Variants in NLN observed in about 807,000 individuals in gnomAD.
NLN encodes the protein neurolysin.
NLN carries 64 observed loss-of-function variants against 79.9 expected under a neutral mutation model. The observed-to-expected ratio is 0.80, with a 90% confidence interval of 0.65 to 0.99. NLN has a LOEUF of 0.99. NLN is among the 50% of genes least tolerant of loss of function. The pLI is 0.00. For missense variants in NLN, 835 were observed against 858.7 expected (o/e 0.97, Z 0.34); for synonymous variants, 267 against 296.6 (o/e 0.90, Z 1.02).
intron 1 of NLN, among the ~76,000 whole-genome samples, chr5:65,750,825 T>G (rs899880187): frequency 6.6e-6 from 1 of 151,870 alleles, no homozygotes; most frequent in African/African-American, 2.4e-5. Context: ...CAGGTAAACC[T>G]CAGTGAGGTG....
In NLN at chr5:65,810,069, A is replaced by G. The variant is rs1168163233; in HGVS notation, c.1747A>G (p.Lys583Glu). The change falls in exon 11 of 13, where the codon AAA (lysine) becomes GAA (glutamate). Residue 583 changes from lysine to glutamate, a missense_variant. Coordinates refer to ENST00000380985, the MANE Select transcript of NLN (RefSeq NM_020726.5). ...GACCCTGCGCCAGATTGTTTTGAGC[A>G]AAGTTGATCAGTCTCTTCATACCAA... ...LLTLRQIVLS[K>E]VDQSLHTNTS... The G allele has an allele frequency of 6.2e-7, 1 of 1,614,124 alleles. No individual in the cohort carries two copies.
rs1275349577 is a variant in NLN, at chr5:65,788,390, G to A, written c.1231G>A (p.Ala411Thr). The A allele has an allele frequency of 1.2e-6, 2 of 1,614,000 alleles. No individual in the cohort carries two copies. The highest frequency in any genetic ancestry group is 3.3e-5 in the Admixed American group (2 of 60,004). ...ACTTTCATTTGAACAAATGACAGAT[G>A]CTCATGTTTGGAACAAGAGTGTTAC... Reference protein sequence around the residue: ...LGLSFEQMTDAHVWNKSVTLY... With the variant: ...LGLSFEQMTDTHVWNKSVTLY... Residue 411 changes from alanine (A) to threonine (T), a missense_variant, in exon 8 of 13, where the codon GCT (alanine) becomes ACT (threonine). Transcript: ENST00000380985.
chr5:65,785,682 C>T (rs1246584102), intron 6 of NLN, 93 bp from the exon 7 acceptor site: 1 of 910,168 alleles, frequency 1.1e-6, no homozygotes, highest in African/African-American at 1.7e-5. Context: ...GATAATTTTA[C>T]AAACCTAAAA....
chr5:65,788,320 G>A lies in NLN; in HGVS notation c.1161G>A (p.Glu387=). ...QEFLKEYFPI[E]VVTEGLLNTY... ...TCCTCAAGGAATACTTCCCAATTGAGGTGGTCACTGAAGGCTTGCTGAACA... is the reference window on the plus strand; with the variant it reads ...TCCTCAAGGAATACTTCCCAATTGAAGTGGTCACTGAAGGCTTGCTGAACA... The change falls in exon 8 of 13, where the codon GAG becomes GAA. Residue 387 remains glutamate, a synonymous_variant. Transcript: ENST00000380985. 6.2e-7 allele frequency: 1 copy of A among 1,614,148 alleles called. No individual in the cohort carries two copies. Among genetic ancestry groups the A allele is most frequent in the East Asian group, 2.2e-5 (1 of 44,888 alleles).
At chr5:65,731,168 C>T (rs990873513) in intron 1 of NLN, among the ~76,000 whole-genome samples, 1 of 152,196 alleles carries the variant, frequency 6.6e-6, no homozygotes, top group African/African-American at 2.4e-5. Context: ...GTCTCGTCCT[C>T]CAAGAAGCCA....
chr5:65,788,560 G>A (rs758873361), intron 8 of NLN, 76 bp downstream of exon 8: 19 of 1,425,230 alleles, frequency 1.3e-5, no homozygotes, highest in Non-Finnish European at 1.7e-5. Flanking sequence ...TCTTGGCCAG[G>A]CACAGTGGCT....
chr5:65,722,627 C>G lies in NLN; in HGVS notation c.41+213C>G, dbSNP rs1037703796. Reference sequence around the variant, plus strand: ...CGCCTCCGCTCCCTCGGGAGGACGTCCATTCCTCTTTGTTTGGGACTGCCT... The same window carrying G: ...CGCCTCCGCTCCCTCGGGAGGACGTGCATTCCTCTTTGTTTGGGACTGCCT... On this transcript the variant is annotated intron_variant, in intron 1 of 12. Coordinates refer to ENST00000380985, the MANE Select transcript of NLN (RefSeq NM_020726.5). 18 of 533,010 alleles carry G rather than the reference C, an allele frequency of 3.4e-5. No homozygotes were observed. In the Admixed American group the frequency reaches 6.8e-4, roughly 20 times the overall value. The allele number at this position is 533,010 out of a possible 1,614,324, so 33.0% of individuals were successfully genotyped here. A position where few individuals can be genotyped will look rare whatever the true frequency, so the allele number is the denominator to read the frequency against.
At chr5:65,792,319 A>G (rs1257399553) in intron 8 of NLN, 135 bp from the exon 9 acceptor site, 8 of 604,194 alleles carry the variant, frequency 1.3e-5, no homozygotes, top group Non-Finnish European at 2.3e-5. Flanking sequence ...AAAATAACCT[A>G]CTTTCTAAAA....
At position 65,790,357 on chromosome 5, in the gene NLN, G is replaced by A. The variant is rs149809939; in HGVS notation, c.1325+1873G>A. 2.2e-4 allele frequency among the ~76,000 whole-genome samples: 34 copies of A among 152,284 alleles called. No individual in the cohort carries two copies. In the East Asian group the frequency reaches 5.4e-3, roughly 24 times the overall value. ...TGTATTAGTCCTTTCTCACAGTGCT[G>A]TAAAGAACTGACTGAGACTGGGTAA... On this transcript the variant is annotated intron_variant, in intron 8 of 12. Coordinates refer to ENST00000380985, the MANE Select transcript of NLN (RefSeq NM_020726.5).
intron 1 of NLN, among the ~76,000 whole-genome samples, chr5:65,756,684 G>A (rs535383473): frequency 5.3e-5 from 8 of 151,938 alleles, no homozygotes; most frequent in Non-Finnish European, 8.8e-5. Flanking sequence ...TTAATGTTTC[G>A]TAGAGACAAT....
chr5:65,758,593 G>C lies in NLN; in HGVS notation c.68G>C (p.Arg23Thr). The C allele has an allele frequency of 6.2e-7, 1 of 1,610,350 alleles. No homozygotes were observed. Among genetic ancestry groups the C allele is most frequent in the South Asian group, 1.1e-5 (1 of 90,966 alleles). ...RRVGGSRILLRMTLGREVMSP... is the reference protein window; with the variant it reads ...RRVGGSRILLTMTLGREVMSP... Reference sequence around the variant, plus strand: ...GTTGGTGGTTCCAGGATTTTACTCAGAATGACGTTAGGAAGAGAAGTGATG... The same window carrying C: ...GTTGGTGGTTCCAGGATTTTACTCACAATGACGTTAGGAAGAGAAGTGATG... Residue 23 changes from arginine (R) to threonine (T), a missense_variant, in exon 2 of 13, where the codon AGA becomes ACA. Transcript: ENST00000380985.
At chr5:65,763,561 A>C (rs1033129215) in intron 3 of NLN, among the ~76,000 whole-genome samples, 1 of 152,126 alleles carries the variant, frequency 6.6e-6, no homozygotes, top group Non-Finnish European at 1.5e-5. Context: ...TGGATAATAA[A>C]TGTTCTAGGT....
At chr5:65,790,528 A>C (rs1301121407) in intron 8 of NLN, among the ~76,000 whole-genome samples, 1 of 152,198 alleles carries the variant, frequency 6.6e-6, no homozygotes, top group Non-Finnish European at 1.5e-5. Flanking sequence ...AACAGGGGAA[A>C]GCCCCTTATG....
intron 7 of NLN, among the ~76,000 whole-genome samples, chr5:65,787,236 TTA>T (rs747187984): frequency 3.5e-4 from 52 of 147,350 alleles, no homozygotes; most frequent in African/African-American, 1.1e-3. Flanking sequence ...CTCTCTCTCT[TTA>T]TATATATATA....
chr5:65,782,018 C>T (rs556887531), intron 6 of NLN, among the ~76,000 whole-genome samples: 127 of 152,276 alleles, frequency 8.3e-4, no homozygotes, highest in South Asian at 4.3e-3. Context: ...AAAGAATAAC[C>T]GCACTGAAAA....
intron 3 of NLN, among the ~76,000 whole-genome samples, chr5:65,775,877 G>A (rs1355250794): frequency 2.0e-5 from 3 of 152,206 alleles, no homozygotes; most frequent in Non-Finnish European, 2.9e-5. Flanking sequence ...TGTAGAAAAA[G>A]GAGCCTAACT....
chr5:65,760,372 A>C (rs1759312520), intron 2 of NLN, among the ~76,000 whole-genome samples: 2 of 152,244 alleles, frequency 1.3e-5, no homozygotes, highest in Non-Finnish European at 2.9e-5. Flanking sequence ...CATTAGTCAA[A>C]GTCAAAGGGA....
chr5:65,722,579 C>T (rs1758341328), intron 1 of NLN, among the ~76,000 whole-genome samples, 165 bp downstream of exon 1: 1 of 152,222 alleles, frequency 6.6e-6, no homozygotes, highest in Admixed American at 6.5e-5. Context: ...ACACCTGGCG[C>T]GGCCACCTGG....
At chr5:65,773,942 C>G (rs764389627) in intron 3 of NLN, among the ~76,000 whole-genome samples, 2 of 149,760 alleles carry the variant, frequency 1.3e-5, no homozygotes, top group African/African-American at 2.5e-5. Flanking sequence ...GACCCTGTCT[C>G]AAAAATAATA....
Sources: gnomAD v4.1 joint callset for allele counts (sites outside exome capture counted in the v4.1 genomes callset) on GRCh38, gnomAD v4.1.1 for gene constraint, MANE v1.5 for transcripts, NCBI Gene and HGNC (gene_info 2026-07-23, HGNC 2026-07-21) for gene names.